The following TRABD2B variants were observed in gnomAD, a reference collection of about 807,000 sequenced individuals.
The protein encoded by TRABD2B is TraB domain containing 2B, also known as metalloprotease TIKI2.
TRABD2B carries 14 observed loss-of-function variants against 40.1 expected under a neutral mutation model. That is an observed-to-expected ratio of 0.35 (90% confidence interval 0.23 to 0.55). The LOEUF is 0.55. Ranked by LOEUF, TRABD2B falls within the 20% of genes least tolerant of loss-of-function variation. The pLI, the probability that TRABD2B is intolerant of heterozygous loss-of-function variation, is 0.90. For missense variants in TRABD2B, 541 were observed against 648.6 expected (o/e 0.83, Z 1.80); for synonymous variants, 263 against 277.0 (o/e 0.95, Z 0.50).
At chr1:47,943,376 T>C (rs1553167683) in intron 2 of TRABD2B, among the ~76,000 whole-genome samples, 1 of 152,224 alleles carries the variant, frequency 6.6e-6, no homozygotes, top group Non-Finnish European at 1.5e-5. Context: ...GTCAATATTG[T>C]GCACTTTCAG....
At chr1:47,818,785 T>C (rs1557591337) in intron 2 of TRABD2B, 1 of 152,208 alleles carries the variant, frequency 6.6e-6, no homozygotes, top group Non-Finnish European at 1.5e-5. Flanking sequence ...TGACAGCAGT[T>C]TGAATGACAC....
At chr1:47,830,163 CT>C (rs1007073587) in intron 2 of TRABD2B, among the ~76,000 whole-genome samples, 2 of 152,228 alleles carry the variant, frequency 1.3e-5, no homozygotes, top group Non-Finnish European at 2.9e-5. Context: ...GGATGTCCCC[CT>C]CCCAGATGGG....
chr1:47,947,969 C>G lies in TRABD2B; in HGVS notation c.666+46065G>C, dbSNP rs547989476. On this transcript the variant is annotated intron_variant, in intron 2 of 6. Transcript: ENST00000606738. ...ACAGAAAGTCAAGCACAGAGCAGCC[C>G]AGGTGTCATGAATCTGAATGAAGCC... Among the ~76,000 whole-genome samples, 391 of 152,226 alleles carry G rather than the reference C, an allele frequency of 2.6e-3. 2 individuals are homozygous for G. Among genetic ancestry groups the G allele is most frequent in the Middle Eastern group, 3.4e-3 (1 of 294 alleles).
At chr1:47,859,048 T>G (rs1273665725) in intron 2 of TRABD2B, among the ~76,000 whole-genome samples, 1 of 152,178 alleles carries the variant, frequency 6.6e-6, no homozygotes, top group Non-Finnish European at 1.5e-5. Flanking sequence ...GGGTGGTCTT[T>G]GCAACCAAGC....
chr1:47,937,737 T>G (rs536175920), intron 2 of TRABD2B, among the ~76,000 whole-genome samples: 1 of 152,278 alleles, frequency 6.6e-6, no homozygotes, highest in African/African-American at 2.4e-5. Flanking sequence ...AATGTTTAAG[T>G]GAAGGTATTG....
At chr1:47,767,205 T>C (rs1241222129) in intron 6 of TRABD2B, among the ~76,000 whole-genome samples, 1 of 151,948 alleles carries the variant, frequency 6.6e-6, no homozygotes, top group Non-Finnish European at 1.5e-5. Context: ...GGCCCTGAAG[T>C]AATGGCCATG....
chr1:47,778,930 C>G (rs1307655851), intron 4 of TRABD2B, among the ~76,000 whole-genome samples: 1 of 152,202 alleles, frequency 6.6e-6, no homozygotes, highest in Admixed American at 6.5e-5. Flanking sequence ...CCCCAGCCCC[C>G]CACAGTCCAG....
intron 2 of TRABD2B, among the ~76,000 whole-genome samples, chr1:47,990,447 A>G (rs983869703): frequency 3.1e-4 from 47 of 152,236 alleles, no homozygotes; most frequent in African/African-American, 1.1e-3. Context: ...CCCCAAGGGC[A>G]GGGGCTCACC....
intron 2 of TRABD2B, among the ~76,000 whole-genome samples, chr1:47,890,407 A>G (rs1366510053): frequency 1.3e-5 from 2 of 152,198 alleles, no homozygotes; most frequent in Non-Finnish European, 2.9e-5. Context: ...TGGTGGCAGA[A>G]GAGGTGACAG....
intron 2 of TRABD2B, among the ~76,000 whole-genome samples, chr1:47,908,186 T>G (rs932441905): frequency 7.9e-5 from 12 of 152,184 alleles, no homozygotes; most frequent in Admixed American, 7.2e-4. Context: ...AATAATCCCA[T>G]TTTTATAACT....
At chr1:47,904,409 C>T (rs1644648294) in intron 2 of TRABD2B, among the ~76,000 whole-genome samples, 1 of 152,164 alleles carries the variant, frequency 6.6e-6, no homozygotes, top group Admixed American at 6.5e-5. Context: ...GGTTCCTTTC[C>T]CATCCTGGGG....
intron 2 of TRABD2B, among the ~76,000 whole-genome samples, chr1:47,836,672 C>G (rs1355060047): frequency 6.6e-6 from 1 of 152,310 alleles, no homozygotes. Context: ...TTGTTGAAAC[C>G]TAATTCCCAC....
intron 2 of TRABD2B, among the ~76,000 whole-genome samples, chr1:47,868,868 T>C (rs1341650692): frequency 6.6e-6 from 1 of 152,166 alleles, no homozygotes; most frequent in African/African-American, 2.4e-5. Flanking sequence ...GCTGGGCAAG[T>C]GTCCACAGTC....
At chr1:47,995,804 G>C (rs897066525) in intron 1 of TRABD2B, among the ~76,000 whole-genome samples, 8 of 152,200 alleles carry the variant, frequency 5.3e-5, no homozygotes, top group African/African-American at 1.9e-4. Flanking sequence ...GCGATAGACT[G>C]AGAGCCCAGT....
intron 2 of TRABD2B, among the ~76,000 whole-genome samples, chr1:47,845,165 C>T (rs1258016295): frequency 6.6e-6 from 1 of 152,132 alleles, no homozygotes; most frequent in East Asian, 1.9e-4. Context: ...CCTTCCACCT[C>T]CAAGAAAAGC....
At chr1:47,816,616 G>C (rs12027251) in intron 2 of TRABD2B, among the ~76,000 whole-genome samples, 6,681 of 152,054 alleles carry the variant, frequency 0.044, 336 homozygotes, top group East Asian at 0.21. Flanking sequence ...AGTTGCTCAA[G>C]TACCACCTCC....
intron 2 of TRABD2B, among the ~76,000 whole-genome samples, chr1:47,959,993 C>A (rs545152485): frequency 3.3e-5 from 5 of 152,276 alleles, no homozygotes; most frequent in African/African-American, 1.2e-4. Context: ...AATCCAGCAG[C>A]ATATCAAAAA....
intron 2 of TRABD2B, among the ~76,000 whole-genome samples, chr1:47,930,646 T>G (rs1645028127): frequency 6.6e-6 from 1 of 152,184 alleles, no homozygotes; most frequent in African/African-American, 2.4e-5. Context: ...GAGACTAATT[T>G]TGCCTTCATC....
intron 2 of TRABD2B, among the ~76,000 whole-genome samples, chr1:47,848,462 G>A (rs768543217): frequency 1.3e-5 from 2 of 152,180 alleles, no homozygotes; most frequent in Non-Finnish European, 2.9e-5. Context: ...GCCCACAGGG[G>A]ATTTAAGAAT....
Sources: gnomAD v4.1 joint callset for allele counts (sites outside exome capture counted in the v4.1 genomes callset) on GRCh38, gnomAD v4.1.1 for gene constraint, MANE v1.5 for transcripts, NCBI Gene and HGNC (gene_info 2026-07-23, HGNC 2026-07-21) for gene names.